Variants in ENOX1 observed in about 807,000 individuals in gnomAD.
ENOX1 encodes the protein candidate growth-related and time keeping constitutive hydroquinone (NADH) oxidase.
In ENOX1, 42 loss-of-function variants were observed where a neutral mutation model predicts 82.5. That is an observed-to-expected ratio of 0.51 (90% confidence interval 0.40 to 0.66). The LOEUF is 0.66. ENOX1 is among the 30% of genes least tolerant of loss of function. The pLI is 0.00. For missense variants in ENOX1, 608 were observed against 811.6 expected, an observed-to-expected ratio of 0.75 and a Z score of 3.05; for synonymous variants, 271 against 282.2, an observed-to-expected ratio of 0.96 and a Z score of 0.40.
intron 2 of ENOX1, among the ~76,000 whole-genome samples, chr13:43,537,984 T>C (rs559636769): frequency 2.6e-4 from 39 of 152,336 alleles, no homozygotes; most frequent in South Asian, 1.0e-3. Flanking sequence ...ACAATAGTCC[T>C]GCCTCTCAGT....
intron 1 of ENOX1, among the ~76,000 whole-genome samples, chr13:43,758,748 T>A (rs549401769): frequency 3.4e-4 from 51 of 152,198 alleles, no homozygotes; most frequent in Admixed American, 3.3e-3. Context: ...TTTCCTTATC[T>A]GTAAAATGGG....
intron 14 of ENOX1, among the ~76,000 whole-genome samples, chr13:43,241,958 C>A (rs1593487790): frequency 6.6e-6 from 1 of 152,114 alleles, no homozygotes; most frequent in South Asian, 2.1e-4. Context: ...AAATGGCTTC[C>A]CTGCCTTATA....
At chr13:43,699,426 G>T (rs79797023) in intron 1 of ENOX1, among the ~76,000 whole-genome samples, 1 of 152,152 alleles carries the variant, frequency 6.6e-6, no homozygotes, top group South Asian at 2.1e-4. Flanking sequence ...GCAACAGAGC[G>T]TTCTTAAAGT....
chr13:43,763,327 C>T (rs112178016), intron 1 of ENOX1, among the ~76,000 whole-genome samples: 40 of 152,252 alleles, frequency 2.6e-4, no homozygotes, highest in African/African-American at 9.1e-4. Flanking sequence ...TGGCTGTGTT[C>T]GTACCGCATT....
At chr13:43,606,916 G>A (rs1437067456) in intron 2 of ENOX1, among the ~76,000 whole-genome samples, 1 of 152,142 alleles carries the variant, frequency 6.6e-6, no homozygotes, top group East Asian at 1.9e-4. Flanking sequence ...TACTTAGGGG[G>A]AGTACCGCTT....
chr13:43,711,200 T>A (rs1042425565), intron 1 of ENOX1, among the ~76,000 whole-genome samples: 1 of 151,728 alleles, frequency 6.6e-6, no homozygotes, highest in Non-Finnish European at 1.5e-5. Flanking sequence ...ATAGTTTGCT[T>A]AGAATGATGG....
intron 11 of ENOX1, among the ~76,000 whole-genome samples, chr13:43,305,975 G>A (rs961986970): frequency 7.9e-5 from 12 of 152,174 alleles, no homozygotes; most frequent in African/African-American, 1.4e-4. Flanking sequence ...CCTGGCCTGC[G>A]CAGCTCCCAG....
At chr13:43,230,521 A>G (rs2042232591) in intron 15 of ENOX1, among the ~76,000 whole-genome samples, 1 of 152,164 alleles carries the variant, frequency 6.6e-6, no homozygotes, top group Admixed American at 6.5e-5. Flanking sequence ...AAGATCACTA[A>G]GGGGTAATGC....
At chr13:43,346,573 C>T (rs146395977) in intron 8 of ENOX1, among the ~76,000 whole-genome samples, 1 of 152,338 alleles carries the variant, frequency 6.6e-6, no homozygotes, top group East Asian at 1.9e-4. Context: ...TTTGTTAACT[C>T]TGGAATTTCA....
chr13:43,506,768 T>C (rs988076970), intron 2 of ENOX1, among the ~76,000 whole-genome samples: 1 of 143,040 alleles, frequency 7.0e-6, no homozygotes, highest in African/African-American at 2.6e-5. Flanking sequence ...TTCTCACTCA[T>C]AGGTGGGAAT....
chr13:43,654,938 C>T (rs1023672358), intron 2 of ENOX1, among the ~76,000 whole-genome samples: 3 of 152,070 alleles, frequency 2.0e-5, no homozygotes, highest in Non-Finnish European at 2.9e-5. Flanking sequence ...GAGTTTAATG[C>T]CACTCCAACC....
chr13:43,606,070 T>C (rs1382260973), intron 2 of ENOX1, among the ~76,000 whole-genome samples: 1 of 152,136 alleles, frequency 6.6e-6, no homozygotes, highest in East Asian at 1.9e-4. Context: ...CTCAATATCA[T>C]TGACCATCAG....
At chr13:43,400,360 C>T (rs559301746) in intron 5 of ENOX1, among the ~76,000 whole-genome samples, 1 of 152,296 alleles carries the variant, frequency 6.6e-6, no homozygotes, top group East Asian at 1.9e-4. Context: ...ACCTGAGTTA[C>T]CAAATCAGCA....
chr13:43,705,631 T>G (rs2087228262), intron 1 of ENOX1, among the ~76,000 whole-genome samples: 1 of 152,052 alleles, frequency 6.6e-6, no homozygotes, highest in Non-Finnish European at 1.5e-5. Context: ...GAGGGCCGTT[T>G]CATTAATAAA....
chr13:43,565,955 G>A (rs540254340), intron 2 of ENOX1, among the ~76,000 whole-genome samples: 2 of 152,114 alleles, frequency 1.3e-5, no homozygotes, highest in Admixed American at 6.6e-5. Context: ...AGTTTTTAAC[G>A]AGATTTTTCT....
intron 2 of ENOX1, among the ~76,000 whole-genome samples, chr13:43,533,169 C>T (rs1033112776): frequency 3.9e-5 from 6 of 152,062 alleles, no homozygotes; most frequent in African/African-American, 1.4e-4. Flanking sequence ...GAAATGTGCA[C>T]CCGGTGAGTA....
intron 3 of ENOX1, among the ~76,000 whole-genome samples, chr13:43,439,666 C>CT (rs1262967172): frequency 6.6e-6 from 1 of 151,230 alleles, no homozygotes; most frequent in African/African-American, 2.4e-5. Context: ...GCAACTCGTT[C>CT]TTTAACATTT....
At position 43,449,719 on chromosome 13, in the gene ENOX1, A is replaced by T. The variant is rs147954501; in HGVS notation, c.-75+34290T>A. ...AGTCACAGGGAGAAAAGTCCCTTTTATGTTCTTTTAATACTTGCTTTTATT... is the reference window on the plus strand; with the variant it reads ...AGTCACAGGGAGAAAAGTCCCTTTTTTGTTCTTTTAATACTTGCTTTTATT... On this transcript the variant is annotated intron_variant, in intron 3 of 16. Coordinates refer to ENST00000690772, the MANE Select transcript of ENOX1 (RefSeq NM_001347969.2). 1.2e-3 allele frequency among the ~76,000 whole-genome samples: 180 copies of T among 151,598 alleles called. 1 individual carries two copies. The East Asian group carries it at 0.029, about 24-fold the overall frequency.
intron 14 of ENOX1, among the ~76,000 whole-genome samples, chr13:43,245,314 T>C (rs1013734073): frequency 6.6e-6 from 1 of 152,240 alleles, no homozygotes; most frequent in Non-Finnish European, 1.5e-5. Flanking sequence ...CCTGATTCCA[T>C]GCCTGCTCTG....
Sources: gnomAD v4.1 joint callset for allele counts (sites outside exome capture counted in the v4.1 genomes callset) on GRCh38, gnomAD v4.1.1 for gene constraint, MANE v1.5 for transcripts, NCBI Gene and HGNC (gene_info 2026-07-23, HGNC 2026-07-21) for gene names.